The following FAM20C variants were observed in gnomAD, a reference collection of about 807,000 sequenced individuals.
FAM20C encodes extracellular serine/threonine protein kinase FAM20C.
FAM20C carries 40 observed loss-of-function variants against 51.5 expected under a neutral mutation model. The ratio of observed to expected loss-of-function variants is 0.78; its 90% CI spans 0.60 to 1.01. The LOEUF is 1.01. Ranked by LOEUF, FAM20C falls within the 50% of genes least tolerant of loss-of-function variation. The pLI, the probability that FAM20C is intolerant of heterozygous loss-of-function variation, is 0.00. For synonymous variants in FAM20C, 406 were observed against 380.6 expected, an observed-to-expected ratio of 1.07 and a Z score of -0.78; for missense variants, 861 against 844.7, an observed-to-expected ratio of 1.02 and a Z score of -0.24.
intron 9 of FAM20C, among the ~76,000 whole-genome samples, 196 bp from the exon 10 acceptor site, chr7:259,535 T>G (rs1354503958): frequency 1.3e-5 from 2 of 152,212 alleles, no homozygotes; most frequent in African/African-American, 2.4e-5. Context: ...TGTCTGCCTT[T>G]CTCTCTCCCT....
At position 227,957 on chromosome 7, in the gene FAM20C, C is replaced by T. The variant is rs573322301; in HGVS notation, c.864-18458C>T. On this transcript the variant is annotated intron_variant, in intron 3 of 9. Coordinates refer to ENST00000313766, the MANE Select transcript of FAM20C (RefSeq NM_020223.4). The stretch of plus-strand genomic sequence containing the variant: ...TTCCAGCCAAAGAAATGATTCTCTC[C>T]TTCTTCTGTGTCTCACGTTGAAGAG... The T allele has an allele frequency of 3.2e-5, 5 of 155,824 alleles. No individual in the cohort carries two copies. The East Asian group carries it at 7.6e-4, about 24-fold the overall frequency. The allele number at this position is 155,824 out of a possible 1,614,324, so 9.7% of individuals were successfully genotyped here.
chr7:226,132 G>A (rs1438453906), intron 3 of FAM20C, among the ~76,000 whole-genome samples: 2 of 152,200 alleles, frequency 1.3e-5, no homozygotes, highest in Non-Finnish European at 2.9e-5. Flanking sequence ...GTGGCCTGGA[G>A]TGCGATGGAG....
Position 260,201 on chromosome 7 carries a change from G to A in FAM20C, c.*221G>A, listed in dbSNP as rs914531860. The A allele has an allele frequency of 1.2e-4, 66 of 573,004 alleles. No homozygotes were observed. The highest frequency in any genetic ancestry group is 6.3e-4 in the East Asian group (20 of 31,762). 35.5% of individuals were successfully genotyped at this position (573,004 alleles called of 1,614,324 possible). ...GGAAGGAAGCGCTGTCTGTGCTCAC[G>A]GACAGAGGCGGCCGGCGCCGGAGGC... On this transcript the variant is annotated 3_prime_UTR_variant, in exon 10 of 10. Transcript: ENST00000313766.
At chr7:220,400 A>C (rs77056029) in intron 3 of FAM20C, among the ~76,000 whole-genome samples, 1,677 of 143,730 alleles carry the variant, frequency 0.012, 38 homozygotes, top group African/African-American at 0.04. Context: ...AGTGGAGCTT[A>C]AATTCCCGGG....
intron 5 of FAM20C, among the ~76,000 whole-genome samples, chr7:253,304 C>A (rs182898103): frequency 8.6e-4 from 131 of 152,310 alleles, no homozygotes; most frequent in Non-Finnish European, 1.7e-3. Context: ...AGCCCCGACA[C>A]AGTCAGCGAA....
chr7:211,411 A>C (rs1172538688), intron 3 of FAM20C, among the ~76,000 whole-genome samples: 7 of 72,762 alleles, frequency 9.6e-5, no homozygotes, highest in South Asian at 4.2e-4. Context: ...CACCTCCTCC[A>C]CCTCTTCCTC....
rs140439726 is a variant in FAM20C at position 253,090 on chromosome 7, C to T, written c.1073-2759C>T. Among the ~76,000 whole-genome samples the T allele has an allele frequency of 8.6e-3, 1,307 of 152,308 alleles. 8 individuals carry two copies. Among genetic ancestry groups the T allele is most frequent in the African/African-American group, 0.029 (1,208 of 41,568 alleles). On this transcript the variant is annotated intron_variant, in intron 5 of 9. Coordinates refer to ENST00000313766, the MANE Select transcript of FAM20C (RefSeq NM_020223.4). ...CCACGGTGGCCTGGGCTGGGCAGGG[C>T]GGTCCTCAGGACTCTCTCCAGTGCT...
intron 3 of FAM20C, among the ~76,000 whole-genome samples, chr7:235,890 T>C (rs1411085470): frequency 3.3e-5 from 5 of 152,200 alleles, no homozygotes; most frequent in African/African-American, 1.2e-4. Flanking sequence ...CCAGGAAACA[T>C]TTGGGCGACT....
intron 4 of FAM20C, among the ~76,000 whole-genome samples, chr7:247,808 G>A (rs1027713983): frequency 1.3e-5 from 2 of 152,220 alleles, no homozygotes; most frequent in African/African-American, 2.4e-5. Flanking sequence ...ACGCAGAGGC[G>A]TGGTCGGGCC....
intron 1 of FAM20C, among the ~76,000 whole-genome samples, chr7:194,868 C>G (rs1026070299): frequency 3.3e-5 from 5 of 152,028 alleles, no homozygotes; most frequent in African/African-American, 1.2e-4. Context: ...TTCCGCGTTT[C>G]CCTCCAGCCC....
chr7:206,110 C>G (rs888464989), intron 2 of FAM20C, among the ~76,000 whole-genome samples: 1 of 152,192 alleles, frequency 6.6e-6, no homozygotes, highest in Non-Finnish European at 1.5e-5. Flanking sequence ...TCATCCCAGG[C>G]TGGCTGGGTT....
At chr7:235,335 G>C (rs1463342407) in intron 3 of FAM20C, among the ~76,000 whole-genome samples, 1 of 152,090 alleles carries the variant, frequency 6.6e-6, no homozygotes, top group African/African-American at 2.4e-5. Flanking sequence ...GTGGACTGCC[G>C]ATCTGTGAGC....
chr7:231,898 T>C (rs2115119921), intron 3 of FAM20C, among the ~76,000 whole-genome samples: 1 of 152,156 alleles, frequency 6.6e-6, no homozygotes, highest in East Asian at 1.9e-4. Flanking sequence ...CCTGGGGCGG[T>C]CCTCTGTGCT....
intron 9 of FAM20C, among the ~76,000 whole-genome samples, chr7:259,512 G>GTC (rs1244081219): frequency 9.9e-5 from 15 of 152,098 alleles, no homozygotes; most frequent in African/African-American, 3.1e-4. Flanking sequence ...CTTTCTGTCT[G>GTC]TCTGTCTCTG....
rs1785614916 is a variant in FAM20C, at chr7:192,703, C to A, written c.-497C>A. Reference sequence around the variant, plus strand: ...CCCCCCAGCCCCGGTCTCCCGGGCGCGGCGTGAGAGCAGAGCCCGGCCCGG... The same window carrying A: ...CCCCCCAGCCCCGGTCTCCCGGGCGAGGCGTGAGAGCAGAGCCCGGCCCGG... On this transcript the variant is annotated 5_prime_UTR_variant, in exon 1 of 10. Coordinates refer to ENST00000313766, the MANE Select transcript of FAM20C (RefSeq NM_020223.4). Among the ~76,000 whole-genome samples, 1 of 148,590 alleles carries A rather than the reference C, an allele frequency of 6.7e-6. No individual in the cohort carries two copies. The highest frequency in any genetic ancestry group is 2.4e-5 in the African/African-American group (1 of 40,894).
chr7:195,841 C>A lies in FAM20C; in HGVS notation c.784+109C>A. On this transcript the variant is annotated intron_variant, in intron 2 of 9. Coordinates refer to ENST00000313766, the MANE Select transcript of FAM20C (RefSeq NM_020223.4). ...AGGTCTGGGAGGCCGTTGCTCATTA[C>A]GGCAGCGTCACCTCCTGCAGCAATC... 1.8e-6 allele frequency: 2 copies of A among 1,120,680 alleles called. 1 individual carries two copies. The allele number at this position is 1,120,680 out of a possible 1,614,324, so 69.4% of individuals were successfully genotyped here. A position where few individuals can be genotyped will look rare whatever the true frequency, so the allele number is the denominator to read the frequency against.
chr7:245,371 T>C (rs1030863708), intron 3 of FAM20C, among the ~76,000 whole-genome samples: 5 of 152,146 alleles, frequency 3.3e-5, no homozygotes, highest in African/African-American at 9.7e-5. Flanking sequence ...GGGGGCTGAG[T>C]TCCCTCCCTG....
At chr7:211,168 C>T (rs1230750755) in intron 3 of FAM20C, among the ~76,000 whole-genome samples, 1 of 147,194 alleles carries the variant, frequency 6.8e-6, no homozygotes, top group East Asian at 2.0e-4. Flanking sequence ...TCCCAGCCTC[C>T]GCCAACCTCC....
chr7:197,744 A>G (rs1445855884), intron 2 of FAM20C, among the ~76,000 whole-genome samples: 1 of 152,190 alleles, frequency 6.6e-6, no homozygotes, highest in African/African-American at 2.4e-5. Context: ...TCCCTCACCG[A>G]CCGGTCAGCT....
Sources: allele counts gnomAD v4.1 joint callset (sites outside exome capture counted in the v4.1 genomes callset), GRCh38; gene constraint gnomAD v4.1.1; transcripts MANE v1.5; gene names NCBI Gene and HGNC (gene_info 2026-07-23, HGNC 2026-07-21).